PTPRK: variants seen among roughly 807,000 people sequenced by gnomAD.
PTPRK encodes the protein protein tyrosine phosphatase receptor type K.
In PTPRK, 75 loss-of-function variants were observed where a neutral mutation model predicts 178.0. The observed-to-expected ratio is 0.42, with a 90% confidence interval of 0.35 to 0.51. The LOEUF is 0.51. Among genes scored for constraint, PTPRK ranks in the 20% least tolerant of loss-of-function variants. The pLI is 0.02. For synonymous variants in PTPRK, 637 were observed against 620.6 expected (o/e 1.03, Z -0.39); for missense variants, 1,441 against 1,797.8 (o/e 0.80, Z 3.59).
intron 1 of PTPRK, among the ~76,000 whole-genome samples, chr6:128,501,408 C>A (rs1180168703): frequency 6.6e-6 from 1 of 152,064 alleles, no homozygotes; most frequent in East Asian, 1.9e-4. Flanking sequence ...CACACACACA[C>A]ACACACACAC....
rs75900985 is a variant in PTPRK at position 128,252,390 on chromosome 6, T to A, written c.496-9788A>T. On this transcript the variant is annotated intron_variant, in intron 3 of 29. Coordinates refer to ENST00000368226, the MANE Select transcript of PTPRK (RefSeq NM_002844.4). ...CCTGAAATCTTGCACTTGTAAACGA[T>A]TATCAATGGTGTTTTTAATTAGAAT... 6.1e-4 allele frequency among the ~76,000 whole-genome samples: 93 copies of A among 152,326 alleles called. 1 individual carries two copies. In the East Asian group the frequency reaches 0.016, roughly 26 times the overall value.
At chr6:128,451,915 T>A (rs1016886530) in intron 1 of PTPRK, among the ~76,000 whole-genome samples, 5 of 152,198 alleles carry the variant, frequency 3.3e-5, no homozygotes, top group African/African-American at 7.2e-5. Context: ...TTTACCACAA[T>A]CTTCTAATAA....
intron 3 of PTPRK, among the ~76,000 whole-genome samples, chr6:128,265,857 G>GT (rs1818862802): frequency 6.6e-6 from 1 of 152,132 alleles, no homozygotes; most frequent in South Asian, 2.1e-4. Flanking sequence ...CAAAGCGATG[G>GT]TATTAGGAAG....
chr6:128,089,462 G>T (rs1786542885), intron 8 of PTPRK, among the ~76,000 whole-genome samples: 1 of 152,156 alleles, frequency 6.6e-6, no homozygotes, highest in Admixed American at 6.5e-5. Context: ...CCACTTCTGT[G>T]TAAGAAGAGA....
chr6:128,140,752 T>C (rs922116323), intron 7 of PTPRK, among the ~76,000 whole-genome samples: 4 of 151,990 alleles, frequency 2.6e-5, no homozygotes, highest in African/African-American at 9.7e-5. Context: ...AGACTTAATT[T>C]TTCCTCAGTT....
chr6:128,455,079 A>G (rs1330928079), intron 1 of PTPRK, among the ~76,000 whole-genome samples: 2 of 152,174 alleles, frequency 1.3e-5, no homozygotes, highest in Non-Finnish European at 2.9e-5. Context: ...GTAACTCAGA[A>G]GCTTAGTTTT....
At position 128,005,234 on chromosome 6, in the gene PTPRK, TA is replaced by T. The variant is rs1381461379; in HGVS notation, c.2343del (p.Lys783AsnfsTer13). 1 of 1,611,004 alleles carries T rather than the reference TA, an allele frequency of 6.2e-7. No homozygotes were observed. The highest frequency in any genetic ancestry group is 1.3e-5 in the African/African-American group (1 of 74,686). ...VILIVKKSKL[A>X]KKRKDAMGNT... ...TTCCCCATGGCATCTTTGCGTTTTT[TA>T]GCAAGTTTGCTGCCAAGGCAAATAC... is the stretch of plus-strand genomic sequence containing the variant. On this transcript the variant is annotated frameshift_variant, in exon 15 of 30. Transcript: ENST00000368226. LOFTEE classifies it high-confidence loss of function.
chr6:128,100,110 A>C (rs1562582813), intron 7 of PTPRK, among the ~76,000 whole-genome samples: 1 of 152,064 alleles, frequency 6.6e-6, no homozygotes, highest in African/African-American at 2.4e-5. Context: ...AAACACAGTG[A>C]AAATGTGACA....
intron 2 of PTPRK, among the ~76,000 whole-genome samples, chr6:128,396,001 T>A (rs1257207892): frequency 1.3e-5 from 2 of 152,198 alleles, no homozygotes; most frequent in Non-Finnish European, 1.5e-5. Context: ...ATGTAACTTT[T>A]AGGTTTTATT....
At chr6:128,354,135 T>C (rs906390577) in intron 2 of PTPRK, among the ~76,000 whole-genome samples, 7 of 151,912 alleles carry the variant, frequency 4.6e-5, no homozygotes, top group Admixed American at 1.3e-4. Flanking sequence ...GAAGCTAGCA[T>C]ATATTTTATG....
At chr6:128,114,216 T>A (rs1791122493) in intron 7 of PTPRK, among the ~76,000 whole-genome samples, 1 of 152,034 alleles carries the variant, frequency 6.6e-6, no homozygotes, top group African/African-American at 2.4e-5. Context: ...TGGGTGGGAA[T>A]GCCTCAGGAA....
At chr6:128,313,339 C>T (rs1193039982) in intron 3 of PTPRK, among the ~76,000 whole-genome samples, 1 of 152,046 alleles carries the variant, frequency 6.6e-6, no homozygotes, top group Admixed American at 6.6e-5. Context: ...TTATGGGACA[C>T]CCTGACCTTT....
chr6:128,450,058 C>A (rs866926904), intron 1 of PTPRK, among the ~76,000 whole-genome samples: 2 of 149,524 alleles, frequency 1.3e-5, no homozygotes, highest in African/African-American at 4.9e-5. Flanking sequence ...GCGGAGGTTG[C>A]AGCAAGCTGA....
chr6:128,489,098 T>A (rs1482905312), intron 1 of PTPRK, among the ~76,000 whole-genome samples: 1 of 152,192 alleles, frequency 6.6e-6, no homozygotes, highest in Non-Finnish European at 1.5e-5. Flanking sequence ...TAATAATTCA[T>A]GTGATTCTCT....
chr6:128,118,566 A>AT (rs1016824775), intron 7 of PTPRK, among the ~76,000 whole-genome samples: 8 of 152,112 alleles, frequency 5.3e-5, no homozygotes, highest in African/African-American at 1.4e-4. Context: ...TGACCTCTGA[A>AT]TTTTTTTAAA....
rs759181928 is a variant in PTPRK, at chr6:128,519,135, A to T, written c.100+1124T>A. The T allele has an allele frequency of 4.2e-5, 22 of 519,786 alleles. No individual in the cohort carries two copies. The highest frequency in any genetic ancestry group is 7.9e-5 in the Non-Finnish European group (20 of 253,582). 32.2% of individuals were successfully genotyped at this position (519,786 alleles called of 1,614,324 possible). On this transcript the variant is annotated intron_variant, in intron 1 of 29. Coordinates refer to ENST00000368226, the MANE Select transcript of PTPRK (RefSeq NM_002844.4). This position sits in a 1 kb window ranked among gnomAD's most constrained non-coding sequence, Gnocchi z 4.3. Reference sequence around the variant, plus strand: ...CAGCAGCAGATGCGCTCGCCAGCCAAGCGAAGCTGGGTAGGTTGGCCAGAA... The same window carrying T: ...CAGCAGCAGATGCGCTCGCCAGCCATGCGAAGCTGGGTAGGTTGGCCAGAA...
chr6:128,252,865 A>T (rs1336418662), intron 3 of PTPRK, among the ~76,000 whole-genome samples: 2 of 152,198 alleles, frequency 1.3e-5, no homozygotes, highest in Non-Finnish European at 2.9e-5. Flanking sequence ...TTGCCATCGC[A>T]GATACACCTT....
chr6:128,486,023 T>A (rs779647776), intron 1 of PTPRK, among the ~76,000 whole-genome samples: 1 of 152,214 alleles, frequency 6.6e-6, no homozygotes, highest in African/African-American at 2.4e-5. Context: ...AGAGTTTACA[T>A]TTGTGTTCAA....
chr6:128,285,845 T>A (rs1028561438), intron 3 of PTPRK, among the ~76,000 whole-genome samples: 2 of 151,616 alleles, frequency 1.3e-5, no homozygotes, highest in African/African-American at 4.9e-5. Flanking sequence ...AAGAAAGAAA[T>A]GTCATAGGAA....
Sources: allele counts gnomAD v4.1 joint callset (sites outside exome capture counted in the v4.1 genomes callset), GRCh38; gene constraint gnomAD v4.1.1; non-coding constraint Gnocchi (gnomAD v3.1); transcripts MANE v1.5; gene names NCBI Gene and HGNC (gene_info 2026-07-23, HGNC 2026-07-21).